Variants in B3GALT1 observed in about 807,000 individuals in gnomAD.
B3GALT1 encodes UDP-Gal:betaGlcNAc beta 1,3-galactosyltransferase, polypeptide 1.
In B3GALT1, 10 loss-of-function variants were observed where a neutral mutation model predicts 23.2. The observed-to-expected ratio is 0.43, with a 90% CI of 0.27 to 0.73. The LOEUF is 0.73. Ranked by LOEUF, B3GALT1 falls within the 30% of genes least tolerant of loss-of-function variation. The probability of loss-of-function intolerance (pLI) is 0.21; values close to 1 mark genes in which losing one functional copy is unlikely to be tolerated. For synonymous variants in B3GALT1, 156 were observed against 141.5 expected (o/e 1.10, Z -0.73); for missense variants, 299 against 405.4 (o/e 0.74, Z 2.25).
chr2:167,764,257 G>A (rs79597713), intron 3 of B3GALT1, among the ~76,000 whole-genome samples: 2 of 152,050 alleles, frequency 1.3e-5, no homozygotes, highest in African/African-American at 4.8e-5. Context: ...AACATTAGTC[G>A]CCACTGTCAT....
intron 3 of B3GALT1, among the ~76,000 whole-genome samples, chr2:167,783,325 A>T (rs913930438): frequency 6.6e-6 from 1 of 152,146 alleles, no homozygotes; most frequent in African/African-American, 2.4e-5. Context: ...CTTCGTGTTA[A>T]CTACAACTGG....
chr2:167,621,193 A>G (rs1238300), intron 2 of B3GALT1, among the ~76,000 whole-genome samples: 4,489 of 150,292 alleles, frequency 0.03, 230 homozygotes, highest in African/African-American at 0.1. Flanking sequence ...GGCTCAAGCA[A>G]TCCTGCCACG....
chr2:167,798,492 T>C (rs926935296), intron 3 of B3GALT1, among the ~76,000 whole-genome samples: 1 of 152,220 alleles, frequency 6.6e-6, no homozygotes, highest in Non-Finnish European at 1.5e-5. Context: ...CAATTTTTAT[T>C]TTCTGCACAT....
intron 1 of B3GALT1, among the ~76,000 whole-genome samples, chr2:167,336,265 A>C (rs1374814294): frequency 6.6e-6 from 1 of 152,134 alleles, no homozygotes; most frequent in African/African-American, 2.4e-5. Flanking sequence ...AACCACATAC[A>C]TTATCCCCAC....
intron 1 of B3GALT1, among the ~76,000 whole-genome samples, chr2:167,452,127 G>C (rs1156834649): frequency 1.3e-5 from 2 of 151,960 alleles, no homozygotes; most frequent in African/African-American, 4.8e-5. Context: ...AGCAAGCTGG[G>C]CTTTCAGTTT....
At chr2:167,757,723 CTGATT>C (rs1376131162) in intron 3 of B3GALT1, among the ~76,000 whole-genome samples, 1 of 152,062 alleles carries the variant, frequency 6.6e-6, no homozygotes, top group Non-Finnish European at 1.5e-5. Context: ...CAGCCTATGG[CTGATT>C]TGATTTGATT....
chr2:167,430,621 G>A (rs924725036), intron 1 of B3GALT1, among the ~76,000 whole-genome samples: 2 of 47,230 alleles, frequency 4.2e-5, no homozygotes, highest in Admixed American at 3.5e-4. Context: ...ATTCCATGTT[G>A]GATGTCAGAG....
intron 1 of B3GALT1, among the ~76,000 whole-genome samples, chr2:167,478,603 C>T (rs926904633): frequency 9.3e-5 from 14 of 151,250 alleles, no homozygotes; most frequent in African/African-American, 3.2e-4. Flanking sequence ...TTCTAGGGTA[C>T]ATGTGCACAA....
intron 2 of B3GALT1, among the ~76,000 whole-genome samples, chr2:167,521,039 ATCT>A (rs888209192): frequency 2.6e-5 from 4 of 151,950 alleles, no homozygotes; most frequent in Admixed American, 6.6e-5. Context: ...CATTTGCAAC[ATCT>A]TCTTTTTCCT....
intron 3 of B3GALT1, among the ~76,000 whole-genome samples, chr2:167,782,290 CT>C: frequency 6.6e-6 from 1 of 152,116 alleles, no homozygotes; most frequent in East Asian, 1.9e-4. Flanking sequence ...GGCGATGCCC[CT>C]GGTGACTTTA....
intron 1 of B3GALT1, among the ~76,000 whole-genome samples, chr2:167,419,166 T>A (rs1698512341): frequency 1.3e-5 from 2 of 152,204 alleles, no homozygotes; most frequent in Non-Finnish European, 2.9e-5. Context: ...AGAAAATCCA[T>A]AGTCTTATCA....
intron 2 of B3GALT1, among the ~76,000 whole-genome samples, chr2:167,509,623 A>G (rs1664651364): frequency 6.6e-6 from 1 of 152,208 alleles, no homozygotes; most frequent in South Asian, 2.1e-4. Flanking sequence ...CAAGCCATGC[A>G]GAAATCCAAC....
intron 3 of B3GALT1, among the ~76,000 whole-genome samples, chr2:167,708,962 T>C (rs188297655): frequency 6.6e-5 from 10 of 152,362 alleles, no homozygotes; most frequent in African/African-American, 2.2e-4. Flanking sequence ...CACTTGGTTA[T>C]AGGACCATAA....
rs556175315 is a variant in B3GALT1, at chr2:167,443,836, TTTCCTAA to T, written c.-510-46338_-510-46332del. On this transcript the variant is annotated intron_variant, in intron 1 of 4. Transcript: ENST00000392690. ...AAACAGGGACAATTTGACTTCCTCT[TTTCCTAA>T]TTGAATATCCTTTCTTTCTTTCTCC... Among the ~76,000 whole-genome samples the T allele has an allele frequency of 2.5e-3, 383 of 152,302 alleles. 4 individuals are homozygous for T. The highest frequency in any genetic ancestry group is 8.9e-3 in the African/African-American group (370 of 41,566).
At chr2:167,808,874 C>G in intron 3 of B3GALT1, among the ~76,000 whole-genome samples, 1 of 152,116 alleles carries the variant, frequency 6.6e-6, no homozygotes, top group Admixed American at 6.6e-5. Context: ...TATCCTGCAG[C>G]GTGTTTTCCA....
intron 3 of B3GALT1, among the ~76,000 whole-genome samples, chr2:167,655,311 C>T (rs1041135319): frequency 2.6e-5 from 4 of 152,086 alleles, no homozygotes; most frequent in African/African-American, 9.7e-5. Flanking sequence ...TAATATAGCT[C>T]ATCAGAGCAG....
intron 2 of B3GALT1, among the ~76,000 whole-genome samples, chr2:167,553,107 A>G (rs955117981): frequency 1.3e-5 from 2 of 152,218 alleles, no homozygotes; most frequent in African/African-American, 4.8e-5. Context: ...CCAGAGAATA[A>G]TTTTTAAGCT....
intron 2 of B3GALT1, among the ~76,000 whole-genome samples, chr2:167,551,765 G>A (rs1044926053): frequency 6.6e-6 from 1 of 151,950 alleles, no homozygotes; most frequent in African/African-American, 2.4e-5. Context: ...CACCATATGG[G>A]GTAGCAGCAG....
At chr2:167,486,983 TG>T (rs1420635169) in intron 1 of B3GALT1, among the ~76,000 whole-genome samples, 3 of 152,206 alleles carry the variant, frequency 2.0e-5, no homozygotes, top group Non-Finnish European at 4.4e-5. Context: ...TTTATATTTT[TG>T]TTAAAATATG....
Sources: gnomAD v4.1 joint callset for allele counts (sites outside exome capture counted in the v4.1 genomes callset) on GRCh38, gnomAD v4.1.1 for gene constraint, MANE v1.5 for transcripts, NCBI Gene and HGNC (gene_info 2026-07-23, HGNC 2026-07-21) for gene names.